The following TGS1 variants were observed in gnomAD, a reference collection of about 807,000 sequenced individuals.
TGS1 encodes trimethylguanosine synthase.
TGS1 carries 69 observed loss-of-function variants against 92.2 expected under a neutral mutation model. The ratio of observed to expected loss-of-function variants is 0.75; its 90% CI spans 0.62 to 0.91. The LOEUF is 0.91. Ranked by LOEUF, TGS1 falls within the 40% of genes least tolerant of loss-of-function variation. The pLI, the probability that TGS1 is intolerant of heterozygous loss-of-function variation, is 0.00. For synonymous variants in TGS1, 345 were observed against 338.1 expected, an observed-to-expected ratio of 1.02 and a Z score of -0.22; for missense variants, 1,062 against 1,001.2, an observed-to-expected ratio of 1.06 and a Z score of -0.82.
chr8:55,808,136 C>T (rs1193697828), intron 10 of TGS1, among the ~76,000 whole-genome samples: 1 of 152,090 alleles, frequency 6.6e-6, no homozygotes, highest in Non-Finnish European at 1.5e-5. Flanking sequence ...AAATGTGGCC[C>T]GTTTTAATAC....
intron 10 of TGS1, among the ~76,000 whole-genome samples, chr8:55,808,378 A>G (rs1335235406): frequency 3.3e-5 from 5 of 152,138 alleles, no homozygotes; most frequent in East Asian, 3.9e-4. Flanking sequence ...ATGTATCTTC[A>G]TTTTGGCCTT....
Position 55,786,566 on chromosome 8 carries a change from T to G in TGS1, c.668T>G (p.Leu223Arg), listed in dbSNP as rs200235739. ...SWQEKHPGQA[L>R]SSEPWNFPDT... ...CAAGAAAAACATCCGGGTCAAGCAC[T>G]ATCTTCTGAACCTTGGAACTTTCCT... Residue 223 changes from leucine to arginine, a missense_variant, in exon 4 of 13, where the codon CTA becomes CGA. Transcript: ENST00000260129. 8 of 1,614,226 alleles carry G rather than the reference T, an allele frequency of 5.0e-6. No individual in the cohort carries two copies. The East Asian group carries it at 1.8e-4, about 36-fold the overall frequency.
chr8:55,790,236 G>T lies in TGS1; in HGVS notation c.1217G>T (p.Gly406Val). The change falls in exon 5 of 13, where the codon GGT becomes GTT. Residue 406 changes from glycine to valine, a missense_variant. By Grantham distance (109) the Gly-to-Val change is moderately radical. Transcript: ENST00000260129. Reference sequence around the variant, plus strand: ...AGCAAAGACAGACCACATGCCAGTGGTACTGATGGAGATGAAAGTGAGGAA... The same window carrying T: ...AGCAAAGACAGACCACATGCCAGTGTTACTGATGGAGATGAAAGTGAGGAA... ...NTSKDRPHAS[G>V]TDGDESEEDP... 1.2e-6 allele frequency: 2 copies of T among 1,614,080 alleles called. No individual in the cohort carries two copies. Among genetic ancestry groups the T allele is most frequent in the Non-Finnish European group, 1.7e-6 (2 of 1,179,980 alleles).
intron 10 of TGS1, among the ~76,000 whole-genome samples, chr8:55,809,056 G>GTT (rs1369466666): frequency 2.0e-5 from 3 of 152,058 alleles, no homozygotes; most frequent in Non-Finnish European, 4.4e-5. Context: ...GTATGTTCAT[G>GTT]TGTGCTTATA....
rs897344163 is a variant in TGS1 at position 55,799,054 on chromosome 8, C to A, written c.1683C>A (p.Asp561Glu). Residue 561 changes from aspartate (D) to glutamate (E), a missense_variant, in exon 8 of 13, where the codon GAC becomes GAA. Physicochemically the swap from Asp to Glu is conservative, Grantham distance 45. Transcript: ENST00000260129. ...EQDMSVKKGD[D>E]LLETNNPEPE... ...ACATGTCTGTTAAAAAAGGTGATGA[C>A]CTACTGGAGACTAATAATCCAGAAC... 3 of 1,614,022 alleles carry A rather than the reference C, an allele frequency of 1.9e-6. No individual in the cohort carries two copies. In the African/African-American group the frequency reaches 4.0e-5, roughly 22 times the overall value.
At position 55,804,915 on chromosome 8, in the gene TGS1, C is replaced by G. The variant is rs760889789; in HGVS notation, c.2022C>G (p.Pro674=). The G allele has an allele frequency of 4.3e-6, 7 of 1,613,778 alleles. No homozygotes were observed. The highest frequency in any genetic ancestry group is 5.9e-6 in the Non-Finnish European group (7 of 1,179,824). ...CAGAGGGCTGGTTTTCAGTTACACC[C>G]GAGAAGATTGCTGAACACATTGCTG... ...LDREGWFSVT[P]EKIAEHIAGR... Residue 674 remains proline, a synonymous_variant, in exon 10 of 13, where the codon CCC becomes CCG. Coordinates refer to ENST00000260129, the MANE Select transcript of TGS1 (RefSeq NM_024831.8).
chr8:55,792,830 T>G (rs1197652827), intron 6 of TGS1, 46 bp downstream of exon 6: 3 of 1,311,710 alleles, frequency 2.3e-6, no homozygotes, highest in Non-Finnish European at 1.1e-6. Context: ...CCTAACCACT[T>G]CAACTATCTT....
chr8:55,788,733 A>G (rs975311748), intron 4 of TGS1, among the ~76,000 whole-genome samples: 1 of 152,128 alleles, frequency 6.6e-6, no homozygotes, highest in African/African-American at 2.4e-5. Flanking sequence ...CAAAGTGCAT[A>G]GGCGTGAGCC....
chr8:55,820,531 C>A (rs918141093), intron 12 of TGS1, among the ~76,000 whole-genome samples: 6 of 151,972 alleles, frequency 3.9e-5, no homozygotes, highest in African/African-American at 1.5e-4. Flanking sequence ...GAGCCAGACT[C>A]GTCTCAAAAA....
chr8:55,813,072 C>G lies in TGS1; in HGVS notation c.2393C>G (p.Thr798Ser), dbSNP rs1330711812. 2 of 1,611,014 alleles carry G rather than the reference C, an allele frequency of 1.2e-6. No homozygotes were observed. The highest frequency in any genetic ancestry group is 4.5e-5 in the East Asian group (2 of 44,758). The stretch of plus-strand genomic sequence containing the variant: ...ATTTTCAGACTTTCTAAGAAGATCA[C>G]TAATAATATTGTTTATTTTCTTCCA... ...FEIFRLSKKI[T>S]NNIVYFLPRN... Residue 798 changes from threonine (T) to serine (S), a missense_variant, in exon 12 of 13, where the codon ACT becomes AGT. Transcript: ENST00000260129.
intron 12 of TGS1, among the ~76,000 whole-genome samples, chr8:55,818,121 T>G (rs1269739581): frequency 1.3e-5 from 2 of 152,216 alleles, no homozygotes; most frequent in Non-Finnish European, 2.9e-5. Flanking sequence ...GAAACAGATT[T>G]ATCTGTTATC....
At chr8:55,777,902 ATT>A (rs56285134) in intron 1 of TGS1, among the ~76,000 whole-genome samples, 2,879 of 150,442 alleles carry the variant, frequency 0.019, 102 homozygotes, top group African/African-American at 0.063. Context: ...AATAATTTAA[ATT>A]TTTTTTTTTT....
At chr8:55,807,506 GT>G (rs199884741) in intron 10 of TGS1, among the ~76,000 whole-genome samples, 138 of 138,474 alleles carry the variant, frequency 1.0e-3, no homozygotes, top group Middle Eastern at 3.5e-3. Context: ...TAAAGCAGGG[GT>G]TTTTTTTTTT....
chr8:55,821,726 AGCCG>A (rs1454632076), intron 12 of TGS1, among the ~76,000 whole-genome samples: 1 of 151,858 alleles, frequency 6.6e-6, no homozygotes, highest in East Asian at 1.9e-4. Flanking sequence ...ACAAAAAATT[AGCCG>A]GGTGTGGTGG....
At position 55,824,210 on chromosome 8, in the gene TGS1, CAGTG is replaced by C. The variant is rs200585212; in HGVS notation, c.2440-368_2440-365del. Among the ~76,000 whole-genome samples, 1,373 of 152,270 alleles carry C rather than the reference CAGTG, an allele frequency of 9.0e-3. 23 individuals carry two copies. The highest frequency in any genetic ancestry group is 0.032 in the African/African-American group (1,313 of 41,560). The stretch of plus-strand genomic sequence containing the variant: ...GAATTCAAGACAAGCTTGGGCAACA[CAGTG>C]AGACCCTGCCTCTAATGTTTAAAAA... On this transcript the variant is annotated intron_variant, in intron 12 of 12. Transcript: ENST00000260129.
chr8:55,821,161 G>A (rs532000644), intron 12 of TGS1, among the ~76,000 whole-genome samples: 1 of 152,218 alleles, frequency 6.6e-6, no homozygotes, highest in East Asian at 1.9e-4. Flanking sequence ...AAAAAAAATT[G>A]TTTCTAAACA....
intron 12 of TGS1, among the ~76,000 whole-genome samples, chr8:55,823,284 GGTGA>G (rs746960989): frequency 1.6e-4 from 25 of 152,282 alleles, no homozygotes; most frequent in Non-Finnish European, 3.4e-4. Flanking sequence ...AATGTACCAA[GGTGA>G]GTGCAAGCAT....
In TGS1 at chr8:55,810,804, C is replaced by T; in HGVS notation, c.2144-77C>T. ...GAGTTCTTATACAGAAGATGACAGA[C>T]TATTCGAAAGACAAACTATCCTATA... is the stretch of plus-strand genomic sequence containing the variant. On this transcript the variant is annotated intron_variant, in intron 10 of 12. Transcript: ENST00000260129. 2.5e-6 allele frequency: 3 copies of T among 1,208,784 alleles called. No homozygotes were observed. The South Asian group carries it at 3.8e-5, about 15-fold the overall frequency. The allele number at this position is 1,208,784 out of a possible 1,614,324, so 74.9% of individuals were successfully genotyped here.
At chr8:55,799,279 A>G (rs888727017) in intron 8 of TGS1, 59 bp downstream of exon 8, 35 of 1,471,144 alleles carry the variant, frequency 2.4e-5, no homozygotes, top group Non-Finnish European at 3.1e-5. Context: ...TTTTGTTAAT[A>G]TGTTTTTTCT....
Sources: allele counts gnomAD v4.1 joint callset (sites outside exome capture counted in the v4.1 genomes callset), GRCh38; gene constraint gnomAD v4.1.1; transcripts MANE v1.5; gene names NCBI Gene and HGNC (gene_info 2026-07-23, HGNC 2026-07-21).